Variants in DMXL2 observed in about 807,000 individuals in gnomAD.
DMXL2 encodes dmX-like protein 2.
Under a neutral mutation model 331.1 loss-of-function variants are expected in DMXL2, and 103 were observed. The ratio of observed to expected loss-of-function variants is 0.31; its 90% CI spans 0.27 to 0.37. The LOEUF (loss-of-function observed/expected upper bound fraction) is 0.37. Ranked by LOEUF, DMXL2 falls within the 10% of genes least tolerant of loss-of-function variation. The pLI, the probability that DMXL2 is intolerant of heterozygous loss-of-function variation, is 1.00. For missense variants in DMXL2, 3,171 were observed against 3,642.9 expected, an observed-to-expected ratio of 0.87 and a Z score of 3.33; for synonymous variants, 1,281 against 1,252.1, an observed-to-expected ratio of 1.02 and a Z score of -0.49.
Position 51,499,040 on chromosome 15 carries a change from A to C in DMXL2, c.4184T>G (p.Leu1395Arg). The change falls in exon 18 of 44, where the codon CTC becomes CGC. Residue 1395 changes from leucine to arginine, a missense_variant. Physicochemically the swap from Leu to Arg is moderately radical, Grantham distance 102. This residue lies in a region of DMXL2 where 1,674 missense variants were observed against 1,780.2 expected (regional missense o/e 0.94). Coordinates refer to ENST00000560891, the MANE Select transcript of DMXL2 (RefSeq NM_001378457.1). ...GCCACTTACACTAATAGTTCGAGAG[A>C]GATGTCGCTTAGTTCCTTCTCCAGC... ...PDAGEGTKRH[L>R]SRTISVSGST... The C allele has an allele frequency of 1.2e-6, 2 of 1,613,918 alleles. No homozygotes were observed. The highest frequency in any genetic ancestry group is 1.7e-6 in the Non-Finnish European group (2 of 1,180,022).
chr15:51,578,559 C>A (rs925290567), intron 1 of DMXL2, among the ~76,000 whole-genome samples: 13 of 152,146 alleles, frequency 8.5e-5, no homozygotes, highest in African/African-American at 3.1e-4. Flanking sequence ...CAGTCCCACA[C>A]CAGACTAAAT....
chr15:51,466,261 G>A lies in DMXL2; in HGVS notation c.7443C>T (p.Ser2481=). 2 of 1,560,836 alleles carry A rather than the reference G, an allele frequency of 1.3e-6. No individual in the cohort carries two copies. Among genetic ancestry groups the A allele is most frequent in the Non-Finnish European group, 1.7e-6 (2 of 1,154,792 alleles). ...DSGVIYDSDE[S]IHSDEEDDAF... is the part of the protein sequence containing the mutation. ...CATCATCTTCTTCATCACTATGAAT[G>A]CTTTCATCAGAATCATATATAACAC... The change falls in exon 30 of 44, where the codon AGC becomes AGT. Residue 2481 remains serine (S), a synonymous_variant. Coordinates refer to ENST00000560891, the MANE Select transcript of DMXL2 (RefSeq NM_001378457.1).
chr15:51,501,443 T>A lies in DMXL2; in HGVS notation c.2993-1212A>T, dbSNP rs76719020. Among the ~76,000 whole-genome samples, 1,453 of 152,300 alleles carry A rather than the reference T, an allele frequency of 9.5e-3. 18 individuals carry two copies. The highest frequency in any genetic ancestry group is 0.033 in the African/African-American group (1,383 of 41,552). On this transcript the variant is annotated intron_variant, in intron 17 of 43. Transcript: ENST00000560891. ...ACTATAGTCTTTTATCCTACATTTT[T>A]CCTCAGAGTATCTGCCAACTGTTGT...
intron 2 of DMXL2, among the ~76,000 whole-genome samples, chr15:51,569,372 G>A (rs897553451): frequency 2.6e-5 from 4 of 152,164 alleles, no homozygotes; most frequent in South Asian, 2.1e-4. Context: ...GACAGAGCAC[G>A]TGGGGGAAGG....
At chr15:51,582,462 G>C (rs147189699) in intron 1 of DMXL2, among the ~76,000 whole-genome samples, 1 of 152,190 alleles carries the variant, frequency 6.6e-6, no homozygotes, top group Non-Finnish European at 1.5e-5. Context: ...GGGTTGTCTG[G>C]GCTTTGATGG....
chr15:51,588,985 G>A (rs1381982361), intron 1 of DMXL2, among the ~76,000 whole-genome samples: 1 of 152,178 alleles, frequency 6.6e-6, no homozygotes, highest in Non-Finnish European at 1.5e-5. Flanking sequence ...ACATAGAGCC[G>A]TAGGTAAGCA....
intron 7 of DMXL2, among the ~76,000 whole-genome samples, chr15:51,546,685 G>A (rs1743612331): frequency 6.6e-6 from 1 of 152,032 alleles, no homozygotes; most frequent in East Asian, 1.9e-4. Context: ...AGGAAAAAAT[G>A]TATAATAAAA....
chr15:51,519,535 A>C (rs775836533), intron 13 of DMXL2, among the ~76,000 whole-genome samples: 2 of 152,220 alleles, frequency 1.3e-5, no homozygotes, highest in Non-Finnish European at 2.9e-5. Flanking sequence ...CAGAAATTGG[A>C]CTAATTATAG....
chr15:51,501,266 CG>C (rs1186369921), intron 17 of DMXL2, among the ~76,000 whole-genome samples: 1 of 152,102 alleles, frequency 6.6e-6, no homozygotes, highest in East Asian at 1.9e-4. Context: ...GTAATTTTAG[CG>C]GCCCCGAACC....
intron 6 of DMXL2, among the ~76,000 whole-genome samples, chr15:51,549,511 A>G (rs1394391823): frequency 6.6e-6 from 1 of 152,122 alleles, no homozygotes; most frequent in African/African-American, 2.4e-5. Context: ...TGGTAGTTCT[A>G]CTGTTGTTCT....
chr15:51,519,069 CAA>C (rs917490812), intron 13 of DMXL2, among the ~76,000 whole-genome samples: 4 of 151,710 alleles, frequency 2.6e-5, no homozygotes, highest in Non-Finnish European at 5.9e-5. Flanking sequence ...ATATAGAACC[CAA>C]GAGTATCTTA....
intron 1 of DMXL2, among the ~76,000 whole-genome samples, chr15:51,618,371 T>G (rs1397202618): frequency 6.6e-6 from 1 of 152,026 alleles, no homozygotes; most frequent in Non-Finnish European, 1.5e-5. Context: ...CAACATTTGC[T>G]AAATGTATAA....
At chr15:51,613,223 C>A (rs1245474250) in intron 1 of DMXL2, among the ~76,000 whole-genome samples, 1 of 152,184 alleles carries the variant, frequency 6.6e-6, no homozygotes, top group Non-Finnish European at 1.5e-5. Flanking sequence ...AAAGTAAAGA[C>A]AGGCATAGGA....
At position 51,502,941 on chromosome 15, in the gene DMXL2, T is replaced by C; in HGVS notation, c.2857A>G (p.Ser953Gly). 1 of 1,614,080 alleles carries C rather than the reference T, an allele frequency of 6.2e-7. No individual in the cohort carries two copies. Among genetic ancestry groups the C allele is most frequent in the Non-Finnish European group, 8.5e-7 (1 of 1,179,950 alleles). ...DSSPETSPSV[S>G]PMPHSSSIAN... ...ATTGATGAAGAATGTGGCATGGGGC[T>C]CACACTAGGAGAGGTTTCTGGAGAA... Residue 953 changes from serine to glycine, a missense_variant, in exon 17 of 44, where the codon AGC becomes GGC. This residue lies in a region of DMXL2 where 1,674 missense variants were observed against 1,780.2 expected (regional missense o/e 0.94). Transcript: ENST00000560891.
chr15:51,459,588 G>C lies in DMXL2; in HGVS notation c.7989+10C>G. 7.8e-7 allele frequency: 1 copy of C among 1,289,680 alleles called. No homozygotes were observed. Among genetic ancestry groups the C allele is most frequent in the Non-Finnish European group, 1.0e-6 (1 of 988,752 alleles). 79.9% of individuals were successfully genotyped at this position (1,289,680 alleles called of 1,614,324 possible). The stretch of plus-strand genomic sequence containing the variant: ...AAGAATGAGCTAAATACAAGATCTT[G>C]GAATACTACCTTGATGTGGCAATCT... On this transcript the variant is annotated intron_variant, in intron 34 of 43. Coordinates refer to ENST00000560891, the MANE Select transcript of DMXL2 (RefSeq NM_001378457.1).
At chr15:51,527,278 G>A (rs889927044) in intron 13 of DMXL2, among the ~76,000 whole-genome samples, 6 of 152,228 alleles carry the variant, frequency 3.9e-5, no homozygotes, top group South Asian at 2.1e-4. Flanking sequence ...TACCCTAGAA[G>A]AGTGTATCTA....
Position 51,542,589 on chromosome 15 carries a change from T to C in DMXL2, c.931-82A>G. Reference sequence around the variant, plus strand: ...CAAAGTACTCTTAATTATTAAGAGGTTTAAGATTTTTTTCTCCATAAAAAC... The same window carrying C: ...CAAAGTACTCTTAATTATTAAGAGGCTTAAGATTTTTTTCTCCATAAAAAC... On this transcript the variant is annotated intron_variant, in intron 8 of 43. Transcript: ENST00000560891. 3 of 1,042,288 alleles carry C rather than the reference T, an allele frequency of 2.9e-6. No individual in the cohort carries two copies. The South Asian group carries it at 6.0e-5, about 21-fold the overall frequency. The allele number at this position is 1,042,288 out of a possible 1,614,324, so 64.6% of individuals were successfully genotyped here. A position where few individuals can be genotyped will look rare whatever the true frequency, so the allele number is the denominator to read the frequency against.
chr15:51,559,628 G>A (rs746549950), intron 6 of DMXL2, among the ~76,000 whole-genome samples: 4 of 152,174 alleles, frequency 2.6e-5, no homozygotes, highest in Non-Finnish European at 4.4e-5. Flanking sequence ...GGCTGAGGCA[G>A]GAGGATCGCT....
intron 27 of DMXL2, among the ~76,000 whole-genome samples, chr15:51,475,535 A>G (rs2041503334): frequency 6.6e-6 from 1 of 152,076 alleles, no homozygotes; most frequent in Non-Finnish European, 1.5e-5. Flanking sequence ...AAAGATAGAA[A>G]AAAAATCAGA....
Sources: allele counts gnomAD v4.1 joint callset (sites outside exome capture counted in the v4.1 genomes callset), GRCh38; gene constraint gnomAD v4.1.1; regional missense constraint gnomAD v4.1.1; transcripts MANE v1.5; gene names NCBI Gene and HGNC (gene_info 2026-07-23, HGNC 2026-07-21).